RMDN2: variants seen among roughly 807,000 people sequenced by gnomAD.
RMDN2 encodes the protein regulator of microtubule dynamics protein 2.
Under a neutral mutation model 52.8 loss-of-function variants are expected in RMDN2, and 61 were observed. That is an observed-to-expected ratio of 1.16 (90% CI 0.94 to 1.43). The LOEUF is 1.43. RMDN2 is among the 40% of genes most tolerant of loss of function. The probability of loss-of-function intolerance (pLI) is 0.00; values close to 1 mark genes in which losing one functional copy is unlikely to be tolerated. For synonymous variants in RMDN2, 180 were observed against 153.1 expected (o/e 1.18, Z -1.30); for missense variants, 592 against 475.3 (o/e 1.25, Z -2.28).
At chr2:38,022,418 A>C (rs1211672890), downstream of RMDN2, among the ~76,000 whole-genome samples, 1 of 152,176 alleles carries the variant, frequency 6.6e-6, no homozygotes, top group Non-Finnish European at 1.5e-5. Context: ...GTGTTCCTGA[A>C]ATGAGGATTG....
chr2:37,933,324 A>G (rs553814788), intron 2 of RMDN2, among the ~76,000 whole-genome samples: 3 of 150,938 alleles, frequency 2.0e-5, no homozygotes, highest in African/African-American at 7.3e-5. Flanking sequence ...CACATCCCAG[A>G]CGATGGGCGG....
intron 5 of RMDN2, among the ~76,000 whole-genome samples, chr2:37,987,640 A>G (rs765421859): frequency 2.6e-4 from 39 of 152,198 alleles, no homozygotes; most frequent in Non-Finnish European, 4.3e-4. Context: ...ATTTGTCAAA[A>G]CCCATAGAAT....
intron 5 of RMDN2, among the ~76,000 whole-genome samples, chr2:37,982,511 A>T (rs184634391): frequency 3.9e-5 from 6 of 152,254 alleles, no homozygotes; most frequent in Admixed American, 3.3e-4. Context: ...CCTCACTCCC[A>T]GTCTCTTCCT....
At chr2:38,014,370 A>G (rs1018855058) in intron 10 of RMDN2, among the ~76,000 whole-genome samples, 1 of 152,160 alleles carries the variant, frequency 6.6e-6, no homozygotes, top group Non-Finnish European at 1.5e-5. Flanking sequence ...TTTAAAATGT[A>G]TTATTTCTTA....
At chr2:37,951,900 A>T (rs1461270576) in intron 2 of RMDN2, 1 of 1,612,550 alleles carries the variant, frequency 6.2e-7, no homozygotes, top group South Asian at 1.1e-5. Flanking sequence ...CGATCAACAA[A>T]ATGGAATTGC....
chr2:38,000,630 T>C (rs1219811201), intron 8 of RMDN2, among the ~76,000 whole-genome samples: 1 of 152,244 alleles, frequency 6.6e-6, no homozygotes, highest in African/African-American at 2.4e-5. Flanking sequence ...TGGCTTTTAC[T>C]CAGCATACTG....
chr2:38,034,607 T>C (rs1680448845), intron 10 of RMDN2, among the ~76,000 whole-genome samples: 1 of 152,030 alleles, frequency 6.6e-6, no homozygotes, highest in South Asian at 2.1e-4. Context: ...TAAACAATGA[T>C]ATTTTAATTT....
Position 37,974,206 on chromosome 2 carries a change from A to G in RMDN2, c.619A>G (p.Lys207Glu), listed in dbSNP as rs145429062. 55 of 1,610,200 alleles carry G rather than the reference A, an allele frequency of 3.4e-5. No individual in the cohort carries two copies. The highest frequency in any genetic ancestry group is 4.5e-5 in the Non-Finnish European group (53 of 1,178,278). Reference sequence around the variant, plus strand: ...GAGTTTTGAACTACTTCGTGACCACAAAGAAAAGGTAAGAGACATAACAAT... The same window carrying G: ...GAGTTTTGAACTACTTCGTGACCACGAAGAAAAGGTAAGAGACATAACAAT... ...SESFELLRDH[K>E]EKFRDEIEFM... The change falls in exon 3 of 11, where the codon AAA becomes GAA. Residue 207 changes from lysine to glutamate, a missense_variant. Lys to Glu is a moderately conservative substitution (Grantham distance 56). Coordinates refer to ENST00000354545, the MANE Select transcript of RMDN2 (RefSeq NM_001170791.3).
intron 10 of RMDN2, among the ~76,000 whole-genome samples, chr2:38,031,724 G>A (rs1680220481): frequency 6.6e-6 from 1 of 152,122 alleles, no homozygotes; most frequent in Admixed American, 6.5e-5. Context: ...ATTACTGGAG[G>A]TGCAGAAGCA....
chr2:37,984,032 A>G (rs1340856757), intron 5 of RMDN2, among the ~76,000 whole-genome samples: 1 of 152,180 alleles, frequency 6.6e-6, no homozygotes, highest in Non-Finnish European at 1.5e-5. Flanking sequence ...CGTTTACAGT[A>G]TTATATGATG....
At chr2:37,961,988 C>G (rs1241891146) in intron 2 of RMDN2, among the ~76,000 whole-genome samples, 1 of 152,238 alleles carries the variant, frequency 6.6e-6, no homozygotes, top group Non-Finnish European at 1.5e-5. Context: ...GAGTCCACTC[C>G]AAACACTGTT....
chr2:37,951,669 A>C (rs772576983), intron 2 of RMDN2: 1 of 1,613,226 alleles, frequency 6.2e-7, no homozygotes, highest in Non-Finnish European at 8.5e-7. Flanking sequence ...AAGTGGCCAG[A>C]ATGTGTTTAA....
chr2:37,927,564 A>C (rs937303300), intron 1 of RMDN2, among the ~76,000 whole-genome samples: 2 of 152,336 alleles, frequency 1.3e-5, no homozygotes, highest in African/African-American at 2.4e-5. Flanking sequence ...TTTTCAAACT[A>C]GGCTATATTT....
At chr2:38,029,722 G>T (rs565271806) in intron 10 of RMDN2, 144 of 152,264 alleles carry the variant, frequency 9.5e-4, no homozygotes, top group Non-Finnish European at 1.7e-3. Flanking sequence ...GTGGAGGGGA[G>T]GGTGGGGCAG....
intron 10 of RMDN2, among the ~76,000 whole-genome samples, chr2:38,041,427 G>GTTTTTTTTTTT (rs3057329): frequency 8.3e-6 from 1 of 120,092 alleles, no homozygotes; most frequent in Non-Finnish European, 1.6e-5. Context: ...TTTTTTATTG[G>GTTTTTTTTTTT]TTTTTTTTTT....
chr2:37,958,977 C>T (rs1259097787), intron 2 of RMDN2, among the ~76,000 whole-genome samples: 2 of 150,982 alleles, frequency 1.3e-5, no homozygotes, highest in Non-Finnish European at 2.9e-5. Context: ...ATGTGTTGAA[C>T]CAGCCTCGCA....
At chr2:37,924,646 C>A (rs967270237), upstream of RMDN2, among the ~76,000 whole-genome samples, 3 of 152,202 alleles carry the variant, frequency 2.0e-5, no homozygotes, top group African/African-American at 7.2e-5. Flanking sequence ...GGATTACAGG[C>A]GTGACCCACC....
chr2:37,928,224 G>A (rs1666442199), intron 1 of RMDN2, among the ~76,000 whole-genome samples: 1 of 152,150 alleles, frequency 6.6e-6, no homozygotes, highest in South Asian at 2.1e-4. Flanking sequence ...TAGTGAAATA[G>A]GAATCCAAAG....
intron 10 of RMDN2, among the ~76,000 whole-genome samples, chr2:38,046,427 GA>G (rs1462130162): frequency 6.6e-6 from 1 of 151,036 alleles, no homozygotes; most frequent in South Asian, 2.1e-4. Context: ...CAGCAGCAGA[GA>G]AAAAAAAGCA....
Sources: allele counts gnomAD v4.1 joint callset (sites outside exome capture counted in the v4.1 genomes callset), GRCh38; gene constraint gnomAD v4.1.1; transcripts MANE v1.5; gene names NCBI Gene and HGNC (gene_info 2026-07-23, HGNC 2026-07-21).